Variants in ZNF804B observed in about 807,000 individuals in gnomAD.
ZNF804B encodes the protein zinc finger protein 804B.
ZNF804B carries 80 observed loss-of-function variants against 101.4 expected under a neutral mutation model. The ratio of observed to expected loss-of-function variants is 0.79; its 90% CI spans 0.66 to 0.95. The LOEUF (loss-of-function observed/expected upper bound fraction) is 0.95. ZNF804B is among the 40% of genes least tolerant of loss of function. ZNF804B has a pLI of 0.00. For missense variants in ZNF804B, 1,673 were observed against 1,561.9 expected, an observed-to-expected ratio of 1.07 and a Z score of -1.20; for synonymous variants, 622 against 558.8, an observed-to-expected ratio of 1.11 and a Z score of -1.59.
chr7:89,142,508 A>T (rs925031160), intron 1 of ZNF804B, among the ~76,000 whole-genome samples: 2 of 151,912 alleles, frequency 1.3e-5, no homozygotes, highest in African/African-American at 4.8e-5. Context: ...CTTGGTATCC[A>T]TTGCTTTGAT....
In ZNF804B at chr7:88,996,774, A is replaced by G. The variant is rs193205166; in HGVS notation, c.109-221381A>G. ...AACAGTGAATCAGAAGTACTTGACT[A>G]AAAGCAGCAAAGTAGCCTCAGAAGG... is the stretch of plus-strand genomic sequence containing the variant. On this transcript the variant is annotated intron_variant, in intron 1 of 3. Coordinates refer to ENST00000333190, the MANE Select transcript of ZNF804B (RefSeq NM_181646.5). 3.1e-3 allele frequency among the ~76,000 whole-genome samples: 473 copies of G among 152,276 alleles called. 8 individuals carry two copies. Among genetic ancestry groups the G allele is most frequent in the African/African-American group, 0.011 (452 of 41,576 alleles).
chr7:89,327,292 A>G (rs976874140), intron 2 of ZNF804B, 52 bp from the exon 3 acceptor site: 1 of 1,506,494 alleles, frequency 6.6e-7, no homozygotes, highest in African/African-American at 1.4e-5. Context: ...GTGGATGGAA[A>G]AGAATATATT....
At chr7:89,082,457 A>C (rs954489937) in intron 1 of ZNF804B, among the ~76,000 whole-genome samples, 2 of 151,612 alleles carry the variant, frequency 1.3e-5, no homozygotes, top group African/African-American at 4.8e-5. Flanking sequence ...TTGGATTTAA[A>C]TTTTCCATTT....
At chr7:89,045,775 A>G (rs899055983) in intron 1 of ZNF804B, among the ~76,000 whole-genome samples, 26 of 152,080 alleles carry the variant, frequency 1.7e-4, no homozygotes, top group African/African-American at 5.8e-4. Context: ...TTTTGATTTC[A>G]TAGGCTCTTA....
At chr7:89,275,042 G>C (rs1379032959) in intron 2 of ZNF804B, among the ~76,000 whole-genome samples, 1 of 151,946 alleles carries the variant, frequency 6.6e-6, no homozygotes, top group African/African-American at 2.4e-5. Flanking sequence ...TTTTATGTAA[G>C]TCAACAGACT....
intron 1 of ZNF804B, among the ~76,000 whole-genome samples, chr7:89,007,545 A>G (rs1271787693): frequency 1.1e-5 from 1 of 89,924 alleles, no homozygotes; most frequent in Non-Finnish European, 2.3e-5. Context: ...ATAATTATAT[A>G]TAATATATAT....
At position 89,336,455 on chromosome 7, in the gene ZNF804B, A is replaced by G; in HGVS notation, c.3473A>G (p.Tyr1158Cys). 1.2e-6 allele frequency: 2 copies of G among 1,614,118 alleles called. No homozygotes were observed. The highest frequency in any genetic ancestry group is 2.7e-5 in the African/African-American group (2 of 75,042). The change falls in exon 4 of 4, where the codon TAT (tyrosine) becomes TGT (cysteine). Residue 1158 changes from tyrosine to cysteine, a missense_variant. Coordinates refer to ENST00000333190, the MANE Select transcript of ZNF804B (RefSeq NM_181646.5). ...ITFSPDEIDK[Y>C]KILQLQAQQH... ...TTTTCTCCTGACGAAATAGATAAAT[A>G]TAAGATCCTACAGCTACAAGCCCAG...
At chr7:89,326,601 T>A (rs745491998) in intron 2 of ZNF804B, among the ~76,000 whole-genome samples, 9 of 152,088 alleles carry the variant, frequency 5.9e-5, no homozygotes, top group Non-Finnish European at 1.3e-4. Context: ...AGAGGTTCAT[T>A]TGATTTTGGC....
At chr7:89,018,253 G>A (rs1343061585) in intron 1 of ZNF804B, among the ~76,000 whole-genome samples, 3 of 151,906 alleles carry the variant, frequency 2.0e-5, no homozygotes, top group African/African-American at 7.2e-5. Flanking sequence ...AAATGTTTCT[G>A]CATCTATTGA....
intron 2 of ZNF804B, among the ~76,000 whole-genome samples, chr7:89,303,905 G>A (rs801813): frequency 0.04 from 6,015 of 151,922 alleles, 195 homozygotes; most frequent in African/African-American, 0.08. Flanking sequence ...ATAAAGATAA[G>A]AAACATTTTC....
intron 2 of ZNF804B, among the ~76,000 whole-genome samples, chr7:89,295,615 C>T (rs1224193330): frequency 6.6e-6 from 1 of 151,780 alleles, no homozygotes; most frequent in Non-Finnish European, 1.5e-5. Flanking sequence ...ATACTTTGTT[C>T]TCATTTTATT....
chr7:88,791,723 T>C (rs1226494307), intron 1 of ZNF804B, among the ~76,000 whole-genome samples: 4 of 152,174 alleles, frequency 2.6e-5, no homozygotes, highest in African/African-American at 4.8e-5. Flanking sequence ...CATAAATTAA[T>C]GAATAATAAG....
chr7:88,821,907 A>C (rs1343357486), intron 1 of ZNF804B, among the ~76,000 whole-genome samples: 4 of 152,186 alleles, frequency 2.6e-5, no homozygotes, highest in Non-Finnish European at 5.9e-5. Flanking sequence ...TTCATATAGA[A>C]GCAAAAAGTA....
intron 1 of ZNF804B, among the ~76,000 whole-genome samples, chr7:88,817,446 A>AC (rs147996190): frequency 0.43 from 66,080 of 151,946 alleles, 15,186 homozygotes; most frequent in East Asian, 0.81. Context: ...AGTTAGCGCT[A>AC]CCAACCTAAT....
intron 1 of ZNF804B, among the ~76,000 whole-genome samples, chr7:88,989,622 C>G (rs562377051): frequency 6.6e-6 from 1 of 152,236 alleles, no homozygotes; most frequent in South Asian, 2.1e-4. Flanking sequence ...AGAATATAAT[C>G]ATCACCATAG....
chr7:89,296,313 T>C (rs903885136), intron 2 of ZNF804B, among the ~76,000 whole-genome samples: 8 of 152,114 alleles, frequency 5.3e-5, no homozygotes, highest in Non-Finnish European at 8.8e-5. Context: ...TTTATAGATA[T>C]GTAATTTTAA....
intron 2 of ZNF804B, among the ~76,000 whole-genome samples, chr7:89,266,263 T>C (rs1160402797): frequency 6.6e-6 from 1 of 152,132 alleles, no homozygotes; most frequent in African/African-American, 2.4e-5. Flanking sequence ...GGTTTACTTA[T>C]TTTTTCTCTT....
At chr7:89,205,641 G>T (rs1279776602) in intron 1 of ZNF804B, among the ~76,000 whole-genome samples, 1 of 152,182 alleles carries the variant, frequency 6.6e-6, no homozygotes, top group African/African-American at 2.4e-5. Flanking sequence ...TGCCAAAGGT[G>T]GGTTCCCATG....
chr7:88,871,064 C>A (rs1363242034), intron 1 of ZNF804B, among the ~76,000 whole-genome samples: 6 of 152,092 alleles, frequency 3.9e-5, no homozygotes, highest in African/African-American at 1.4e-4. Context: ...CTCAATTCTG[C>A]AAGGAAGGGA....
Sources: gnomAD v4.1 joint callset for allele counts (sites outside exome capture counted in the v4.1 genomes callset) on GRCh38, gnomAD v4.1.1 for gene constraint, MANE v1.5 for transcripts, NCBI Gene and HGNC (gene_info 2026-07-23, HGNC 2026-07-21) for gene names.